The following PHLDB2 variants were observed in gnomAD, a reference collection of about 807,000 sequenced individuals.
PHLDB2 encodes the protein pleckstrin homology-like domain family B member 2.
A neutral mutation model predicts 123.6 loss-of-function variants in PHLDB2; 71 were observed. The ratio of observed to expected loss-of-function variants is 0.57; its 90% confidence interval spans 0.47 to 0.70. The LOEUF is 0.70. Among genes scored for constraint, PHLDB2 ranks in the 30% least tolerant of loss-of-function variants. The pLI, the probability that PHLDB2 is intolerant of heterozygous loss-of-function variation, is 0.00. For missense variants in PHLDB2, 1,446 were observed against 1,519.5 expected (o/e 0.95, Z 0.80); for synonymous variants, 547 against 541.6 (o/e 1.01, Z -0.14).
intron 1 of PHLDB2, among the ~76,000 whole-genome samples, chr3:111,820,245 C>G (rs2062307080): frequency 6.6e-6 from 1 of 152,144 alleles, no homozygotes; most frequent in African/African-American, 2.4e-5. Context: ...GTCTAGAGTA[C>G]AAATGAATGT....
rs1277849710 is a variant in PHLDB2 at position 111,971,101 on chromosome 3, A to G, written c.3535+1192A>G. On this transcript the variant is annotated intron_variant, in intron 16 of 17. Transcript: ENST00000431670. Reference sequence around the variant, plus strand: ...CCTAGGTCCCCTGCTTTGCCTCTCTAAGGCTTTTTGTCATTGAGTTTTATA... The same window carrying G: ...CCTAGGTCCCCTGCTTTGCCTCTCTGAGGCTTTTTGTCATTGAGTTTTATA... 2.6e-5 allele frequency among the ~76,000 whole-genome samples: 4 copies of G among 152,166 alleles called. No individual in the cohort carries two copies. In the East Asian group the frequency reaches 5.8e-4, roughly 22 times the overall value.
intron 1 of PHLDB2, among the ~76,000 whole-genome samples, chr3:111,778,645 G>T (rs955640035): frequency 1.3e-5 from 2 of 152,010 alleles, no homozygotes; most frequent in African/African-American, 4.8e-5. Flanking sequence ...AAGGCAACTC[G>T]TGCTCTCATG....
In PHLDB2 at chr3:111,931,400, T is replaced by C. The variant is rs143245483; in HGVS notation, c.2002-869T>C. Among the ~76,000 whole-genome samples, 690 of 152,350 alleles carry C rather than the reference T, an allele frequency of 4.5e-3. 5 individuals carry two copies. Among genetic ancestry groups the C allele is most frequent in the African/African-American group, 0.016 (660 of 41,578 alleles). On this transcript the variant is annotated intron_variant, in intron 5 of 17. Transcript: ENST00000431670. ...TTGTAAAGCCGTGTAATCACTGTAT[T>C]AGAGTATTTGCCTATTAAATCCTAG...
At chr3:111,794,751 T>G (rs1225440778) in intron 1 of PHLDB2, among the ~76,000 whole-genome samples, 5 of 152,244 alleles carry the variant, frequency 3.3e-5, no homozygotes, top group African/African-American at 1.2e-4. Context: ...GCTGTGGAAC[T>G]TCAGTCCCTG....
At chr3:111,960,160 C>G in intron 12 of PHLDB2, 1 of 875,896 alleles carries the variant, frequency 1.1e-6, no homozygotes, top group Non-Finnish European at 1.4e-6. Context: ...ATTAGTAATT[C>G]CAAAAGTTCA....
At chr3:111,834,055 A>AATATATGTAATAGAATTATATATATT (rs1553737219) in intron 1 of PHLDB2, among the ~76,000 whole-genome samples, 3,882 of 14,852 alleles carry the variant, frequency 0.26, 1,681 homozygotes, top group South Asian at 0.36. Context: ...AATTATATAT[A>AATATATGTAATAGAATTATATATATT]ATATATGTAA....
intron 1 of PHLDB2, among the ~76,000 whole-genome samples, chr3:111,882,578 T>C (rs1193661522): frequency 6.6e-6 from 1 of 152,144 alleles, no homozygotes; most frequent in Non-Finnish European, 1.5e-5. Context: ...TGAGGTACAT[T>C]TAAAAAGATA....
intron 1 of PHLDB2, among the ~76,000 whole-genome samples, chr3:111,748,574 T>A (rs2059718569): frequency 6.6e-6 from 1 of 151,976 alleles, no homozygotes; most frequent in Non-Finnish European, 1.5e-5. Context: ...CAGACTGGAG[T>A]ACAGTGGCGC....
intron 11 of PHLDB2, 68 bp downstream of exon 11, chr3:111,952,780 G>C (rs1417494375): frequency 6.5e-7 from 1 of 1,535,216 alleles, no homozygotes; most frequent in East Asian, 2.3e-5. Context: ...TCACTGATGT[G>C]TAAAGGCCTT....
chr3:111,762,161 C>T (rs1166888500), intron 1 of PHLDB2, among the ~76,000 whole-genome samples: 1 of 152,140 alleles, frequency 6.6e-6, no homozygotes, highest in Non-Finnish European at 1.5e-5. Context: ...AAGTCTACTA[C>T]CTAAGGTGAT....
At chr3:111,736,906 T>C (rs1044830243) in intron 1 of PHLDB2, among the ~76,000 whole-genome samples, 8 of 152,226 alleles carry the variant, frequency 5.3e-5, no homozygotes, top group African/African-American at 1.9e-4. Flanking sequence ...AAGCCACCAC[T>C]GTCTTCTAAT....
At chr3:111,859,233 G>C (rs1278519163), upstream of PHLDB2, 2 of 985,212 alleles carry the variant, frequency 2.0e-6, no homozygotes, top group African/African-American at 3.5e-5. Flanking sequence ...CCTTCTTTCA[G>C]CTCTTAAAAA....
At chr3:111,812,407 CAT>C (rs1559844501) in intron 1 of PHLDB2, among the ~76,000 whole-genome samples, 1 of 152,182 alleles carries the variant, frequency 6.6e-6, no homozygotes, top group African/African-American at 2.4e-5. Context: ...ACAGTATAAA[CAT>C]ATGATGTCTG....
chr3:111,940,726 C>T, intron 8 of PHLDB2, 81 bp downstream of exon 8: 1 of 664,030 alleles, frequency 1.5e-6, no homozygotes, highest in Non-Finnish European at 2.5e-6. Context: ...AAAGTAAACA[C>T]CTTTTAATAG....
At chr3:111,895,045 A>C (rs2066742466) in intron 2 of PHLDB2, among the ~76,000 whole-genome samples, 1 of 93,554 alleles carries the variant, frequency 1.1e-5, no homozygotes, top group Admixed American at 1.1e-4. Context: ...GTCCTCCATT[A>C]ACTGAGAGTG....
intron 1 of PHLDB2, among the ~76,000 whole-genome samples, chr3:111,879,732 C>T (rs554656418): frequency 6.6e-6 from 1 of 152,106 alleles, no homozygotes; most frequent in Non-Finnish European, 1.5e-5. Flanking sequence ...TGCTATAGTT[C>T]AGTGCCTGTA....
chr3:111,928,666 A>AT (rs1373429389), intron 5 of PHLDB2, among the ~76,000 whole-genome samples: 1 of 152,156 alleles, frequency 6.6e-6, no homozygotes, highest in African/African-American at 2.4e-5. Context: ...TTATAAACTG[A>AT]TTTCTACCTT....
In PHLDB2 at chr3:111,885,398, G is replaced by C. The variant is rs1298925120; in HGVS notation, c.1321G>C (p.Glu441Gln). 4 of 1,614,158 alleles carry C rather than the reference G, an allele frequency of 2.5e-6. No individual in the cohort carries two copies. In the Admixed American group the frequency reaches 6.7e-5, roughly 27 times the overall value. ...GAGGGAGGAAAGACTCAGGGAGCAG[G>C]AAATGGAGCGATTGGTAATCTTCAT... ...RQREERLREQ[E>Q]MERLERQRLE... Residue 441 changes from glutamate to glutamine, a missense_variant, in exon 2 of 18, where the codon GAA becomes CAA. By Grantham distance (29) the Glu-to-Gln change is conservative. This residue lies in a region of PHLDB2 where 832 missense variants were observed against 831.9 expected (regional missense o/e 1.00). Coordinates refer to ENST00000431670, the MANE Select transcript of PHLDB2 (RefSeq NM_001134438.2).
chr3:111,890,264 C>G (rs958672459), intron 2 of PHLDB2, among the ~76,000 whole-genome samples: 3 of 152,064 alleles, frequency 2.0e-5, no homozygotes, highest in Non-Finnish European at 4.4e-5. Context: ...GAAACTTGGC[C>G]AAGGATTAGA....
Sources: allele counts gnomAD v4.1 joint callset (sites outside exome capture counted in the v4.1 genomes callset), GRCh38; gene constraint gnomAD v4.1.1; regional missense constraint gnomAD v4.1.1; transcripts MANE v1.5; gene names NCBI Gene and HGNC (gene_info 2026-07-23, HGNC 2026-07-21).